MELK: variants seen among roughly 807,000 people sequenced by gnomAD.
MELK encodes maternal embryonic leucine zipper kinase, also known as pEg3 kinase.
A neutral mutation model predicts 85.0 loss-of-function variants in MELK; 81 were observed. That is an observed-to-expected ratio of 0.95 (90% CI 0.80 to 1.15). The LOEUF is 1.15. Ranked by LOEUF, MELK falls within the 50% of genes most tolerant of loss-of-function variation. MELK has a pLI of 0.00. For missense variants in MELK, 754 were observed against 777.5 expected (o/e 0.97, Z 0.36); for synonymous variants, 252 against 265.0 (o/e 0.95, Z 0.48).
intron 16 of MELK, among the ~76,000 whole-genome samples, chr9:36,673,596 T>A (rs1833084732): frequency 6.6e-6 from 1 of 151,644 alleles, no homozygotes; most frequent in Non-Finnish European, 1.5e-5. Context: ...TAATTCTTAA[T>A]TTTTTTTGCA....
rs1290055573 is a variant in MELK at position 36,632,715 on chromosome 9, T to TGGG, written c.736-385_736-384insGGG. On this transcript the variant is annotated intron_variant, in intron 9 of 17. Coordinates refer to ENST00000298048, the MANE Select transcript of MELK (RefSeq NM_014791.4). ...TTGTTCTGTGTGATTGTAAGCTCAT[T>TGGG]GGAGGTAGAGATTGCATATTCAGTA... 2.0e-5 allele frequency among the ~76,000 whole-genome samples: 3 copies of TGGG among 152,362 alleles called. No homozygotes were observed. The East Asian group carries it at 5.8e-4, about 29-fold the overall frequency.
chr9:36,626,827 C>T (rs1340395951), intron 8 of MELK, among the ~76,000 whole-genome samples: 1 of 151,756 alleles, frequency 6.6e-6, no homozygotes, highest in African/African-American at 2.4e-5. Flanking sequence ...GGGGTGGTGG[C>T]AGGCACCCGT....
intron 8 of MELK, among the ~76,000 whole-genome samples, chr9:36,619,473 T>A (rs571952841): frequency 3.9e-5 from 6 of 152,276 alleles, no homozygotes; most frequent in African/African-American, 1.2e-4. Flanking sequence ...CATACTTACT[T>A]CTTGGTTATG....
At chr9:36,661,327 A>T (rs1459369964) in intron 13 of MELK, among the ~76,000 whole-genome samples, 4 of 152,222 alleles carry the variant, frequency 2.6e-5, no homozygotes, top group Middle Eastern at 3.2e-3. Flanking sequence ...AAAGAGGTAT[A>T]CTTTGTTTAT....
chr9:36,668,661 C>T lies in MELK; in HGVS notation c.1409-649C>T, dbSNP rs188303502. Among the ~76,000 whole-genome samples, 770 of 152,044 alleles carry T rather than the reference C, an allele frequency of 5.1e-3. 7 individuals are homozygous for T. The highest frequency in any genetic ancestry group is 5.0e-3 in the Non-Finnish European group (339 of 67,954). Reference sequence around the variant, plus strand: ...CCAAGTGGCTGGGATTACAGGCGTGCGCCACCACGCCCAGCTAATTTTTTT... The same window carrying T: ...CCAAGTGGCTGGGATTACAGGCGTGTGCCACCACGCCCAGCTAATTTTTTT... On this transcript the variant is annotated intron_variant, in intron 14 of 17. Transcript: ENST00000298048.
At chr9:36,646,762 G>T (rs1342165521) in intron 11 of MELK, among the ~76,000 whole-genome samples, 1 of 152,224 alleles carries the variant, frequency 6.6e-6, no homozygotes, top group Non-Finnish European at 1.5e-5. Flanking sequence ...CTCAGGAGGA[G>T]GGTCAGAGGA....
intron 5 of MELK, 34 bp downstream of exon 5, chr9:36,594,805 T>C: frequency 6.3e-7 from 1 of 1,588,818 alleles, no homozygotes; most frequent in Non-Finnish European, 8.6e-7. Context: ...ATGCTCACCT[T>C]CAGCGTCATT....
chr9:36,597,198 AT>A lies in MELK; in HGVS notation c.406-23del, dbSNP rs777248927. 89 of 1,591,600 alleles carry A rather than the reference AT, an allele frequency of 5.6e-5. No homozygotes were observed. The highest frequency in any genetic ancestry group is 7.4e-5 in the Non-Finnish European group (86 of 1,159,706). On this transcript the variant is annotated intron_variant, in intron 5 of 17. Transcript: ENST00000298048. Reference sequence around the variant, plus strand: ...GATATAAGGAAGTCAGTATACAGTTATCAAAATATCTTTGTTTTCCCAGGAA... The same window carrying A: ...GATATAAGGAAGTCAGTATACAGTTACAAAATATCTTTGTTTTCCCAGGAA...
intron 1 of MELK, among the ~76,000 whole-genome samples, chr9:36,580,964 G>A (rs1336412911): frequency 6.6e-6 from 1 of 151,880 alleles, no homozygotes. Context: ...TCATGATCTC[G>A]TGATCTGCCT....
intron 6 of MELK, 72 bp downstream of exon 6, chr9:36,597,362 G>A: frequency 7.4e-7 from 1 of 1,343,120 alleles, no homozygotes; most frequent in Non-Finnish European, 1.1e-6. Flanking sequence ...ATTTTGTCCT[G>A]ACTTCCACTT....
intron 15 of MELK, among the ~76,000 whole-genome samples, chr9:36,670,097 C>T (rs139613405): frequency 6.6e-6 from 1 of 152,254 alleles, no homozygotes; most frequent in East Asian, 1.9e-4. Context: ...CAACTAACAC[C>T]ACAGTAGTTT....
intron 12 of MELK, among the ~76,000 whole-genome samples, chr9:36,655,643 C>T (rs942647341): frequency 2.0e-5 from 3 of 152,096 alleles, no homozygotes; most frequent in African/African-American, 7.2e-5. Flanking sequence ...GTGGTGTATA[C>T]GATTGTTTAG....
intron 10 of MELK, among the ~76,000 whole-genome samples, chr9:36,634,809 CAA>C (rs1828965474): frequency 6.6e-6 from 1 of 151,764 alleles, no homozygotes; most frequent in South Asian, 2.1e-4. Context: ...CCAGCCTGAC[CAA>C]TATGGTGAAA....
chr9:36,668,765 G>A (rs1292352828), intron 14 of MELK, among the ~76,000 whole-genome samples: 3 of 151,890 alleles, frequency 2.0e-5, no homozygotes, highest in African/African-American at 4.8e-5. Flanking sequence ...CGCCCTCCTC[G>A]GCCTCCCAAG....
At chr9:36,613,336 C>G (rs940053790) in intron 8 of MELK, among the ~76,000 whole-genome samples, 1 of 152,164 alleles carries the variant, frequency 6.6e-6, no homozygotes, top group African/African-American at 2.4e-5. Context: ...TGTCATTTCA[C>G]CTTAGGGAGG....
rs551493176 is a variant in MELK at position 36,578,952 on chromosome 9, C to T, written c.-38-2692C>T. 3.3e-4 allele frequency among the ~76,000 whole-genome samples: 50 copies of T among 152,108 alleles called. No homozygotes were observed. In the South Asian group the frequency reaches 8.9e-3, roughly 27 times the overall value. ...CTGCCTCCTGGGTTCAAGCAATTCT[C>T]CTGCCTCAGCCTCCCGAGTAGCTGG... On this transcript the variant is annotated intron_variant, in intron 1 of 17. Transcript: ENST00000298048.
rs1452781915 is a variant in MELK at position 36,615,589 on chromosome 9, C to A, written c.666+7916C>A. Among the ~76,000 whole-genome samples the A allele has an allele frequency of 3.4e-4, 44 of 130,114 alleles. 2 individuals carry two copies. Among genetic ancestry groups the A allele is most frequent in the Non-Finnish European group, 5.8e-4 (37 of 64,210 alleles). 85.4% of individuals were successfully genotyped at this position (130,114 alleles called of 152,430 possible). ...GGCTGCTGGGCGGAGAGGCTCCTCA[C>A]TTCTCAGACGGGGTGGTTGCCAGGC... On this transcript the variant is annotated intron_variant, in intron 8 of 17. Coordinates refer to ENST00000298048, the MANE Select transcript of MELK (RefSeq NM_014791.4).
intron 10 of MELK, among the ~76,000 whole-genome samples, chr9:36,639,023 TG>T (rs1829490630): frequency 6.6e-6 from 1 of 152,212 alleles, no homozygotes; most frequent in Non-Finnish European, 1.5e-5. Context: ...TGGTGTCTGT[TG>T]AAGTAGCTAC....
chr9:36,606,366 C>CATATGTATAGGTGTGTATATAATATATAG (rs1825493070), intron 7 of MELK, among the ~76,000 whole-genome samples: 1 of 128,856 alleles, frequency 7.8e-6, no homozygotes. Flanking sequence ...ATAATATATA[C>CATATGTATAGGTGTGTATATAATATATAG]ATATGTATAG....
Sources: gnomAD v4.1 joint callset for allele counts (sites outside exome capture counted in the v4.1 genomes callset) on GRCh38, gnomAD v4.1.1 for gene constraint, MANE v1.5 for transcripts, NCBI Gene and HGNC (gene_info 2026-07-23, HGNC 2026-07-21) for gene names.